ZNF385D: variants seen among roughly 807,000 people sequenced by gnomAD.
ZNF385D encodes zinc finger protein 659.
Under a neutral mutation model 35.8 loss-of-function variants are expected in ZNF385D, and 15 were observed. The observed-to-expected ratio is 0.42, with a 90% CI of 0.28 to 0.64. The LOEUF (loss-of-function observed/expected upper bound fraction) is 0.64. ZNF385D is among the 30% of genes least tolerant of loss of function. The pLI, the probability that ZNF385D is intolerant of heterozygous loss-of-function variation, is 0.23. For synonymous variants in ZNF385D, 212 were observed against 186.8 expected (o/e 1.13, Z -1.10); for missense variants, 474 against 494.6 (o/e 0.96, Z 0.39).
chr3:21,822,652 A>G (rs933791543), intron 3 of ZNF385D, among the ~76,000 whole-genome samples: 1 of 152,196 alleles, frequency 6.6e-6, no homozygotes, highest in Non-Finnish European at 1.5e-5. Flanking sequence ...TACTGGCATT[A>G]TTAAAGATCA....
At chr3:21,553,566 A>G (rs1483476663) in intron 3 of ZNF385D, among the ~76,000 whole-genome samples, 2 of 152,116 alleles carry the variant, frequency 1.3e-5, no homozygotes, top group African/African-American at 4.8e-5. Flanking sequence ...AGCTGTGGCA[A>G]TTTCTGAAAA....
At chr3:22,191,233 A>G (rs1427110093) in intron 2 of ZNF385D, among the ~76,000 whole-genome samples, 3 of 152,142 alleles carry the variant, frequency 2.0e-5, no homozygotes, top group African/African-American at 7.2e-5. Context: ...GCTCACGCCT[A>G]TAATCCCAGC....
At chr3:21,750,828 A>G in intron 1 of ZNF385D, 67 bp downstream of exon 1, 1 of 1,600,500 alleles carries the variant, frequency 6.2e-7, no homozygotes, top group Non-Finnish European at 8.6e-7. Context: ...AGAATTTTTT[A>G]AGGGCTTGTC....
intron 2 of ZNF385D, among the ~76,000 whole-genome samples, chr3:22,249,140 C>T (rs1699938829): frequency 6.6e-6 from 1 of 152,088 alleles, no homozygotes; most frequent in Non-Finnish European, 1.5e-5. Flanking sequence ...ACTAGATAAG[C>T]CAAGCCATGT....
At chr3:22,016,936 A>ACC in intron 3 of ZNF385D, among the ~76,000 whole-genome samples, 1 of 80,838 alleles carries the variant, frequency 1.2e-5, no homozygotes, top group African/African-American at 5.7e-5. Context: ...CATCCATCGG[A>ACC]CACACACACA....
chr3:22,207,335 C>T (rs1336049744), intron 2 of ZNF385D, among the ~76,000 whole-genome samples: 1 of 151,794 alleles, frequency 6.6e-6, no homozygotes, highest in African/African-American at 2.4e-5. Context: ...GCATATTACA[C>T]TGGGAAAAGC....
intron 2 of ZNF385D, among the ~76,000 whole-genome samples, chr3:22,183,299 A>T (rs1695407012): frequency 6.6e-6 from 1 of 152,198 alleles, no homozygotes; most frequent in South Asian, 2.1e-4. Flanking sequence ...AACAGTATGC[A>T]TTCTGCTCTT....
At chr3:22,161,380 A>G (rs1479936578) in intron 3 of ZNF385D, among the ~76,000 whole-genome samples, 1 of 152,096 alleles carries the variant, frequency 6.6e-6, no homozygotes, top group East Asian at 1.9e-4. Context: ...TGTATGCAGT[A>G]TATATTAAAC....
chr3:21,670,137 A>T (rs1168114846), intron 1 of ZNF385D, among the ~76,000 whole-genome samples: 7 of 152,094 alleles, frequency 4.6e-5, no homozygotes, highest in Non-Finnish European at 1.0e-4. Context: ...TCATTAAAAC[A>T]TATATATATT....
intron 2 of ZNF385D, among the ~76,000 whole-genome samples, chr3:22,169,423 C>G (rs1706541121): frequency 6.6e-6 from 1 of 152,162 alleles, no homozygotes; most frequent in South Asian, 2.1e-4. Flanking sequence ...CAGTTTATCT[C>G]TAAATCCAAA....
rs1000535023 is a variant in ZNF385D, at chr3:22,312,568, T to C, written c.106+59882A>G. Among the ~76,000 whole-genome samples, 11 of 150,536 alleles carry C rather than the reference T, an allele frequency of 7.3e-5. No individual in the cohort carries two copies. In the East Asian group the frequency reaches 1.8e-3, roughly 24 times the overall value. On this transcript the variant is annotated intron_variant, in intron 2 of 5. Transcript: ENST00000494108. ...AACAAATTTACAAGAAAAAAACAAA[T>C]AACCCCATCAAAAAGTGGGTGAAGG...
At chr3:21,949,428 T>G (rs1701947638) in intron 3 of ZNF385D, among the ~76,000 whole-genome samples, 1 of 152,066 alleles carries the variant, frequency 6.6e-6, no homozygotes, top group Admixed American at 6.6e-5. Context: ...GGCCTCTCAG[T>G]GGAGTGTAGG....
At chr3:22,333,028 A>G (rs1358446153) in intron 2 of ZNF385D, among the ~76,000 whole-genome samples, 1 of 152,032 alleles carries the variant, frequency 6.6e-6, no homozygotes, top group Non-Finnish European at 1.5e-5. Context: ...TTTCTTCATC[A>G]GAGAATGTCT....
intron 3 of ZNF385D, among the ~76,000 whole-genome samples, chr3:22,093,816 A>G (rs1360265427): frequency 6.6e-5 from 10 of 152,164 alleles, no homozygotes; most frequent in Admixed American, 6.6e-4. Flanking sequence ...AGGGATTCCA[A>G]GCAAGTTTTG....
At chr3:22,333,765 A>G (rs1193515171) in intron 2 of ZNF385D, among the ~76,000 whole-genome samples, 2 of 152,136 alleles carry the variant, frequency 1.3e-5, no homozygotes, top group African/African-American at 4.8e-5. Context: ...ACCCTAGACT[A>G]GATGATTTCT....
At chr3:21,928,640 A>C (rs1406129430) in intron 3 of ZNF385D, among the ~76,000 whole-genome samples, 1 of 152,206 alleles carries the variant, frequency 6.6e-6, no homozygotes, top group East Asian at 1.9e-4. Flanking sequence ...AGATTACCAA[A>C]TTGAGGAATC....
chr3:21,894,176 C>T (rs1347014936), intron 3 of ZNF385D, among the ~76,000 whole-genome samples: 1 of 151,892 alleles, frequency 6.6e-6, no homozygotes, highest in African/African-American at 2.4e-5. Context: ...ATTTATTTTC[C>T]TTTGAACAAC....
chr3:21,741,338 A>G (rs1248734154), intron 1 of ZNF385D, among the ~76,000 whole-genome samples: 1 of 152,182 alleles, frequency 6.6e-6, no homozygotes, highest in Non-Finnish European at 1.5e-5. Flanking sequence ...AAATTAATCA[A>G]TCTGCCTTCC....
At chr3:22,147,300 G>C (rs186046138) in intron 3 of ZNF385D, among the ~76,000 whole-genome samples, 25 of 152,250 alleles carry the variant, frequency 1.6e-4, no homozygotes, top group Admixed American at 1.4e-3. Flanking sequence ...GGAGGTTTGT[G>C]GGGGATTGAT....
Sources: allele counts gnomAD v4.1 joint callset (sites outside exome capture counted in the v4.1 genomes callset), GRCh38; gene constraint gnomAD v4.1.1; transcripts MANE v1.5; gene names NCBI Gene and HGNC (gene_info 2026-07-23, HGNC 2026-07-21).